Variants in MROH9 observed in about 807,000 individuals in gnomAD.
The protein encoded by MROH9 is maestro heat-like repeat-containing protein family member 9.
MROH9 carries 92 observed loss-of-function variants against 98.2 expected under a neutral mutation model. The observed-to-expected ratio is 0.94, with a 90% CI of 0.79 to 1.11. MROH9 has a LOEUF of 1.11. MROH9 is among the 50% of genes most tolerant of loss of function. MROH9 has a pLI of 0.00. For synonymous variants in MROH9, 397 were observed against 368.9 expected, an observed-to-expected ratio of 1.08 and a Z score of -0.87; for missense variants, 1,057 against 1,014.8, an observed-to-expected ratio of 1.04 and a Z score of -0.57.
chr1:170,954,908 C>T (rs752455056), intron 3 of MROH9, among the ~76,000 whole-genome samples: 38 of 151,944 alleles, frequency 2.5e-4, no homozygotes, highest in Non-Finnish European at 2.5e-4. Context: ...TTTGGTGCAC[C>T]CATCATCTGA....
At chr1:170,975,020 G>A (rs1262547963) in intron 8 of MROH9, among the ~76,000 whole-genome samples, 1 of 151,826 alleles carries the variant, frequency 6.6e-6, no homozygotes, top group Non-Finnish European at 1.5e-5. Context: ...CCAAAATGGA[G>A]CTAAAATGGA....
intron 17 of MROH9, among the ~76,000 whole-genome samples, chr1:171,022,613 G>A (rs774309738): frequency 1.3e-5 from 2 of 152,102 alleles, no homozygotes; most frequent in African/African-American, 2.4e-5. Flanking sequence ...TGGGTGGCAA[G>A]GGGAGGGAGA....
At chr1:171,045,264 T>C (rs941740362) in intron 20 of MROH9, among the ~76,000 whole-genome samples, 2 of 151,998 alleles carry the variant, frequency 1.3e-5, no homozygotes, top group African/African-American at 2.4e-5. Flanking sequence ...CCTCCCAAAG[T>C]GCTGGGATTA....
Position 171,062,544 on chromosome 1 carries a change from G to A in MROH9, c.2344+350G>A, listed in dbSNP as rs114853710. Among the ~76,000 whole-genome samples the A allele has an allele frequency of 1.4e-3, 220 of 152,232 alleles. 1 individual carries two copies. The highest frequency in any genetic ancestry group is 4.6e-3 in the African/African-American group (193 of 41,544). On this transcript the variant is annotated intron_variant, in intron 21 of 21. Coordinates refer to ENST00000367759, the MANE Select transcript of MROH9 (RefSeq NM_001163629.2). ...ATTTTTTAGCATCTCTTATGTTTAC[G>A]TGACAGCACTATTTACTGCTAGGGA...
At chr1:171,005,057 G>A (rs1374170461) in intron 15 of MROH9, among the ~76,000 whole-genome samples, 4 of 151,504 alleles carry the variant, frequency 2.6e-5, no homozygotes, top group Non-Finnish European at 4.4e-5. Flanking sequence ...AAATCACTTC[G>A]GGTGGTATAG....
Position 170,999,526 on chromosome 1 carries a change from C to CTA in MROH9, c.1596+1267_1596+1268dup, listed in dbSNP as rs57101708. ...TTTTTCTAGCTGAGTAGTATTCCAT[C>CTA]TATATATATATATATACACACACAC... On this transcript the variant is annotated intron_variant, in intron 15 of 21. Coordinates refer to ENST00000367759, the MANE Select transcript of MROH9 (RefSeq NM_001163629.2). 4.1e-3 allele frequency among the ~76,000 whole-genome samples: 615 copies of CTA among 149,824 alleles called. 2 individuals are homozygous for CTA. Among genetic ancestry groups the CTA allele is most frequent in the Non-Finnish European group, 6.6e-3 (445 of 67,162 alleles).
intron 8 of MROH9, among the ~76,000 whole-genome samples, chr1:170,973,679 T>C (rs11583354): frequency 0.85 from 130,054 of 152,160 alleles, 56,093 homozygotes; most frequent in Middle Eastern, 0.99. Flanking sequence ...AGTTCGTGAT[T>C]AGCCTGGCTA....
intron 12 of MROH9, among the ~76,000 whole-genome samples, chr1:170,994,422 G>T (rs1183761171): frequency 6.6e-6 from 1 of 152,020 alleles, no homozygotes; most frequent in African/African-American, 2.4e-5. Flanking sequence ...GAAGTTTTCT[G>T]TCATGTGTTC....
chr1:171,010,076 C>A (rs1161131985), intron 15 of MROH9, among the ~76,000 whole-genome samples: 1 of 152,162 alleles, frequency 6.6e-6, no homozygotes, highest in Non-Finnish European at 1.5e-5. Flanking sequence ...TTAGGTATTT[C>A]TCCTAATGTT....
chr1:170,937,177 A>G (rs1011235079), intron 1 of MROH9, among the ~76,000 whole-genome samples: 5 of 152,168 alleles, frequency 3.3e-5, no homozygotes, highest in African/African-American at 1.2e-4. Flanking sequence ...CTGCTTACAC[A>G]TTCTTTAATT....
In MROH9 at chr1:170,995,502, G is replaced by T; in HGVS notation, c.1308G>T (p.Glu436Asp). The change falls in exon 13 of 22, where the codon GAG (glutamate) becomes GAT (aspartate). Residue 436 changes from glutamate (E) to aspartate (D), a missense_variant. Physicochemically the swap from Glu to Asp is conservative, Grantham distance 45. Coordinates refer to ENST00000367759, the MANE Select transcript of MROH9 (RefSeq NM_001163629.2). ...TLMFQVFYNS[E>D]LKPILKDRAL... ...TGTTCCAAGTCTTCTACAACAGTGA[G>T]CTGAAACCGATACTCAAGGACAGGG... The T allele has an allele frequency of 6.2e-7, 1 of 1,613,328 alleles. No homozygotes were observed. Among genetic ancestry groups the T allele is most frequent in the Non-Finnish European group, 8.5e-7 (1 of 1,179,522 alleles).
chr1:171,058,183 C>A (rs1203027129), intron 20 of MROH9, among the ~76,000 whole-genome samples: 1 of 151,988 alleles, frequency 6.6e-6, no homozygotes, highest in Non-Finnish European at 1.5e-5. Context: ...ACAAGCATTT[C>A]TTTACACCAA....
chr1:170,970,731 T>TGTGTGA (rs1491154307), intron 7 of MROH9, among the ~76,000 whole-genome samples: 90 of 90,860 alleles, frequency 9.9e-4, no homozygotes, highest in East Asian at 4.9e-3. Context: ...TGTGTGTGTG[T>TGTGTGA]GAGAGAGAGA....
chr1:170,985,052 T>C (rs1651079131), intron 9 of MROH9, among the ~76,000 whole-genome samples: 2 of 152,144 alleles, frequency 1.3e-5, no homozygotes, highest in Admixed American at 1.3e-4. Flanking sequence ...ACTATGGCAC[T>C]CTCATTTTAT....
At chr1:170,978,692 T>C (rs1406567305) in intron 8 of MROH9, among the ~76,000 whole-genome samples, 1 of 152,038 alleles carries the variant, frequency 6.6e-6, no homozygotes, top group Non-Finnish European at 1.5e-5. Flanking sequence ...GGGCTGCCTC[T>C]GATTGAAGGG....
At position 170,986,628 on chromosome 1, in the gene MROH9, C is replaced by A; in HGVS notation, c.797C>A (p.Ser266Tyr). The change falls in exon 10 of 22, where the codon TCT becomes TAT. Residue 266 changes from serine to tyrosine, a missense_variant. Physicochemically the swap from Ser to Tyr is moderately radical, Grantham distance 144. Coordinates refer to ENST00000367759, the MANE Select transcript of MROH9 (RefSeq NM_001163629.2). ...GTGCAGAGTCTCCTGATGAAACTCT[C>A]TTCACCTGATGATAAAATCGCATCT... Reference protein sequence around the residue: ...DFVQSLLMKLSSPDDKIASDA... With the variant: ...DFVQSLLMKLYSPDDKIASDA... The A allele has an allele frequency of 6.2e-7, 1 of 1,613,870 alleles. No homozygotes were observed. The highest frequency in any genetic ancestry group is 1.3e-5 in the African/African-American group (1 of 74,998).
Position 170,959,476 on chromosome 1 carries a change from T to TA in MROH9, c.168dup (p.Leu57ThrfsTer4), listed in dbSNP as rs1180508985. On this transcript the variant is annotated frameshift_variant, in exon 5 of 22. Coordinates refer to ENST00000367759, the MANE Select transcript of MROH9 (RefSeq NM_001163629.2). LOFTEE classifies it high-confidence loss of function. ...TTTCTTGTCAGCTTTGTGGATCCCT[T>TA]ACTGCAGTTTGAATCTCAGTTGAAG... is the stretch of plus-strand genomic sequence containing the variant. 1.9e-6 allele frequency: 3 copies of TA among 1,609,852 alleles called. No individual in the cohort carries two copies. Among genetic ancestry groups the TA allele is most frequent in the Non-Finnish European group, 2.5e-6 (3 of 1,178,256 alleles).
chr1:170,975,429 C>A (rs1650645315), intron 8 of MROH9, among the ~76,000 whole-genome samples: 1 of 152,014 alleles, frequency 6.6e-6, no homozygotes, highest in African/African-American at 2.4e-5. Context: ...CATAACAATT[C>A]TTTTTTGAAT....
rs889208046 is a variant in MROH9, at chr1:171,025,406, C to T, written c.2267C>T (p.Ser756Leu). ...WSPRTYLKRA[S>L]VILIGYLAKS... is the part of the protein sequence containing the mutation. Reference sequence around the variant, plus strand: ...CCCAGAACATATCTTAAGAGGGCATCGGTTATTTTGATAGGTAAATATAAT... The same window carrying T: ...CCCAGAACATATCTTAAGAGGGCATTGGTTATTTTGATAGGTAAATATAAT... Residue 756 changes from serine (S) to leucine (L), a missense_variant, in exon 20 of 22, where the codon TCG (serine) becomes TTG (leucine). Coordinates refer to ENST00000367759, the MANE Select transcript of MROH9 (RefSeq NM_001163629.2). 7.8e-6 allele frequency: 12 copies of T among 1,543,898 alleles called. No homozygotes were observed. Among genetic ancestry groups the T allele is most frequent in the African/African-American group, 4.1e-5 (3 of 72,818 alleles).
Sources: allele counts gnomAD v4.1 joint callset (sites outside exome capture counted in the v4.1 genomes callset), GRCh38; gene constraint gnomAD v4.1.1; transcripts MANE v1.5; gene names NCBI Gene and HGNC (gene_info 2026-07-23, HGNC 2026-07-21).